UBAP1: variants seen among roughly 807,000 people sequenced by gnomAD.
The protein encoded by UBAP1 is ubiquitin-associated protein 1.
Under a neutral mutation model 39.0 loss-of-function variants are expected in UBAP1, and 5 were observed. That is an observed-to-expected ratio of 0.13 (90% CI 0.07 to 0.27). The LOEUF (loss-of-function observed/expected upper bound fraction) is 0.27, where lower values mean the gene tolerates loss of function less well. Ranked by LOEUF, UBAP1 falls within the 10% of genes least tolerant of loss-of-function variation. The pLI, the probability that UBAP1 is intolerant of heterozygous loss-of-function variation, is 1.00. For missense variants in UBAP1, 490 were observed against 608.1 expected, an observed-to-expected ratio of 0.81 and a Z score of 2.04; for synonymous variants, 211 against 225.1, an observed-to-expected ratio of 0.94 and a Z score of 0.56.
At chr9:34,199,782 C>T (rs1472880754) in intron 1 of UBAP1, among the ~76,000 whole-genome samples, 1 of 150,696 alleles carries the variant, frequency 6.6e-6, no homozygotes, top group African/African-American at 2.4e-5. Context: ...ACTACAGGCA[C>T]GTGCCACCAT....
At chr9:34,184,297 G>A (rs1021941731) in intron 1 of UBAP1, among the ~76,000 whole-genome samples, 2 of 151,910 alleles carry the variant, frequency 1.3e-5, no homozygotes, top group African/African-American at 4.8e-5. Context: ...GTACTAATGA[G>A]CCAGGATTGT....
At chr9:34,203,324 T>C (rs1461302677) in intron 1 of UBAP1, among the ~76,000 whole-genome samples, 1 of 152,166 alleles carries the variant, frequency 6.6e-6, no homozygotes, top group Non-Finnish European at 1.5e-5. Context: ...AAAACAAGGA[T>C]CAACAAAAAT....
chr9:34,184,417 GT>G (rs1444747328), intron 1 of UBAP1, among the ~76,000 whole-genome samples: 6 of 151,116 alleles, frequency 4.0e-5, no homozygotes, highest in Admixed American at 6.6e-5. Flanking sequence ...GGATCACAAG[GT>G]CAGGAGATCG....
chr9:34,246,818 A>G (rs998928063), intron 4 of UBAP1, among the ~76,000 whole-genome samples: 24 of 152,136 alleles, frequency 1.6e-4, no homozygotes, highest in Admixed American at 1.6e-3. Context: ...TTGAGCACTA[A>G]TATTTGTCTC....
intron 1 of UBAP1, among the ~76,000 whole-genome samples, chr9:34,215,614 T>G (rs1277221593): frequency 6.6e-6 from 1 of 151,464 alleles, no homozygotes; most frequent in East Asian, 1.9e-4. Flanking sequence ...TGCACCGAAA[T>G]CTCACAAATC....
At chr9:34,218,794 G>A (rs1269437337) in intron 1 of UBAP1, among the ~76,000 whole-genome samples, 1 of 152,002 alleles carries the variant, frequency 6.6e-6, no homozygotes, top group South Asian at 2.1e-4. Flanking sequence ...TAATTAGCCG[G>A]GTGTGATGGC....
chr9:34,183,439 G>A (rs546706869), intron 1 of UBAP1, among the ~76,000 whole-genome samples: 1 of 151,682 alleles, frequency 6.6e-6, no homozygotes, highest in East Asian at 2.0e-4. Flanking sequence ...CAGCTACTCG[G>A]GAGGCTGAGG....
chr9:34,239,348 T>G (rs1398723983), intron 3 of UBAP1, among the ~76,000 whole-genome samples: 1 of 152,212 alleles, frequency 6.6e-6, no homozygotes, highest in African/African-American at 2.4e-5. Context: ...GCCTTAAACT[T>G]TGACTGTCTG....
chr9:34,186,259 T>C (rs560223483), intron 1 of UBAP1, among the ~76,000 whole-genome samples: 1 of 152,354 alleles, frequency 6.6e-6, no homozygotes, highest in South Asian at 2.1e-4. Flanking sequence ...CAAAATAAAC[T>C]GGATAAACTG....
chr9:34,190,762 G>A (rs544453068), intron 1 of UBAP1, among the ~76,000 whole-genome samples: 2 of 147,124 alleles, frequency 1.4e-5, no homozygotes, highest in East Asian at 4.0e-4. Flanking sequence ...TCAGCCTCCC[G>A]AGTAGCTGGG....
intron 1 of UBAP1, among the ~76,000 whole-genome samples, chr9:34,190,043 A>G (rs1830627492): frequency 6.6e-6 from 1 of 152,214 alleles, no homozygotes; most frequent in South Asian, 2.1e-4. Context: ...TAGCAAAAAT[A>G]GAAGGGAGAG....
At chr9:34,193,025 G>A (rs1056979959) in intron 1 of UBAP1, among the ~76,000 whole-genome samples, 8 of 152,010 alleles carry the variant, frequency 5.3e-5, no homozygotes, top group Non-Finnish European at 1.0e-4. Flanking sequence ...TGTAAGGGAG[G>A]GCCAGGCGCA....
intron 1 of UBAP1, among the ~76,000 whole-genome samples, chr9:34,182,631 CTTTCT>C (rs898353988): frequency 7.3e-5 from 4 of 54,998 alleles, no homozygotes; most frequent in African/African-American, 1.9e-4. Flanking sequence ...TTCTTTCTTT[CTTTCT>C]TTCTTTCTTT....
At chr9:34,223,672 GTCTCGA>G (rs1259780582) in intron 2 of UBAP1, among the ~76,000 whole-genome samples, 1 of 152,054 alleles carries the variant, frequency 6.6e-6, no homozygotes, top group Non-Finnish European at 1.5e-5. Context: ...AGCCAGGATG[GTCTCGA>G]TCTCCTGACC....
chr9:34,238,560 G>A (rs1022033051), intron 3 of UBAP1, among the ~76,000 whole-genome samples: 1 of 152,156 alleles, frequency 6.6e-6, no homozygotes, highest in Non-Finnish European at 1.5e-5. Flanking sequence ...TTGTGGGTGA[G>A]AAGTTGTCTC....
Position 34,211,019 on chromosome 9 carries a change from A to G in UBAP1, c.-7-9889A>G, listed in dbSNP as rs979411250. Reference sequence around the variant, plus strand: ...GGCTTGGGTTTTATGGATCAGTAAGAAAAAAAATGGGATGATGAACATATG... The same window carrying G: ...GGCTTGGGTTTTATGGATCAGTAAGGAAAAAAATGGGATGATGAACATATG... On this transcript the variant is annotated intron_variant, in intron 1 of 6. Coordinates refer to ENST00000297661, the MANE Select transcript of UBAP1 (RefSeq NM_016525.5). 3.7e-4 allele frequency among the ~76,000 whole-genome samples: 56 copies of G among 152,104 alleles called. 1 individual carries two copies. Among genetic ancestry groups the G allele is most frequent in the African/African-American group, 1.2e-3 (51 of 41,528 alleles).
At chr9:34,233,059 A>T (rs1304710609) in intron 2 of UBAP1, among the ~76,000 whole-genome samples, 1 of 152,148 alleles carries the variant, frequency 6.6e-6, no homozygotes, top group African/African-American at 2.4e-5. Flanking sequence ...AACCTGTAGG[A>T]GATTAAAGCA....
chr9:34,199,130 G>T (rs904486463), intron 1 of UBAP1, among the ~76,000 whole-genome samples: 2 of 152,146 alleles, frequency 1.3e-5, no homozygotes, highest in African/African-American at 4.8e-5. Context: ...CTGGAGTGCA[G>T]TGATGCGATT....
At chr9:34,197,134 G>C (rs1368839251) in intron 1 of UBAP1, among the ~76,000 whole-genome samples, 2 of 151,890 alleles carry the variant, frequency 1.3e-5, no homozygotes, top group African/African-American at 4.8e-5. Context: ...CACTATGTTG[G>C]CCAGGCTGGC....
Sources: gnomAD v4.1 joint callset for allele counts (sites outside exome capture counted in the v4.1 genomes callset) on GRCh38, gnomAD v4.1.1 for gene constraint, MANE v1.5 for transcripts, NCBI Gene and HGNC (gene_info 2026-07-23, HGNC 2026-07-21) for gene names.